The following OPHN1 variants were observed in gnomAD, a reference collection of about 807,000 sequenced individuals.
OPHN1 encodes the protein oligophrenin-1.
Under a neutral mutation model 60.7 loss-of-function variants are expected in OPHN1, and 11 were observed. The observed-to-expected ratio is 0.18, with a 90% confidence interval of 0.11 to 0.30. The LOEUF is 0.30. OPHN1 is among the 10% of genes least tolerant of loss of function. The pLI, the probability that OPHN1 is intolerant of heterozygous loss-of-function variation, is 1.00. For synonymous variants in OPHN1, 226 were observed against 222.6 expected (o/e 1.02, Z -0.14); for missense variants, 449 against 611.0 (o/e 0.73, Z 2.80).
chrX:68,360,736 T>A, intron 2 of OPHN1, among the ~76,000 whole-genome samples: 1 of 110,738 alleles, frequency 9.0e-6, no homozygotes, highest in Non-Finnish European at 1.9e-5. Flanking sequence ...TGAGTGAAGA[T>A]CATGCCACTG....
At chrX:68,249,224 T>A (rs1283755992) in intron 5 of OPHN1, among the ~76,000 whole-genome samples, 1 of 111,938 alleles carries the variant, frequency 8.9e-6, no homozygotes, top group East Asian at 2.8e-4. Context: ...ATATACCTAC[T>A]ATGTACCCCA....
rs930927822 is a variant in OPHN1 at position 68,057,268 on chromosome X, T to A, written c.2159-3458A>T. 2.1e-4 allele frequency among the ~76,000 whole-genome samples: 23 copies of A among 111,518 alleles called. No homozygotes were observed. The Admixed American group carries it at 2.1e-3, about 10-fold the overall frequency. On this transcript the variant is annotated intron_variant, in intron 21 of 24. Transcript: ENST00000355520. The stretch of plus-strand genomic sequence containing the variant: ...TCCTAGTTTTATTGATTAGGATGGA[T>A]CCTGAGCATGGGTATTTTTAAAAGC...
chrX:68,424,946 C>T (rs779440165), intron 2 of OPHN1, among the ~76,000 whole-genome samples: 19 of 112,224 alleles, frequency 1.7e-4, no homozygotes, highest in African/African-American at 5.8e-4. Context: ...TTAATACTAA[C>T]AGCAGTACCA....
chrX:68,416,055 TATATATATATATAGAGAGAG>T lies in OPHN1; in HGVS notation c.154+16792_154+16811del, dbSNP rs1179373334. 4.1e-3 allele frequency among the ~76,000 whole-genome samples: 36 copies of T among 8,785 alleles called. 1 individual carries two copies. Among genetic ancestry groups the T allele is most frequent in the African/African-American group, 5.2e-3 (36 of 6,867 alleles). 7.6% of individuals were successfully genotyped at this position (8,785 alleles called of 115,157 possible). A position where few individuals can be genotyped will look rare whatever the true frequency, so the allele number is the denominator to read the frequency against. On this transcript the variant is annotated intron_variant, in intron 2 of 24. Transcript: ENST00000355520. ...TATAATATATATATATATATATATA[TATATATATATATAGAGAGAG>T]AGAGAGAGAGAGAGAGAGAGAGAGA...
intron 5 of OPHN1, among the ~76,000 whole-genome samples, chrX:68,236,006 C>A (rs1265810368): frequency 8.1e-5 from 9 of 111,240 alleles, no homozygotes; most frequent in Non-Finnish European, 1.7e-4. Context: ...TCTATTATCT[C>A]ATTTAGACTT....
chrX:68,323,155 A>G (rs970814187), intron 2 of OPHN1, among the ~76,000 whole-genome samples: 2 of 112,219 alleles, frequency 1.8e-5, no homozygotes, highest in African/African-American at 6.5e-5. Context: ...AGAACGATAC[A>G]TATACATTGT....
chrX:68,419,691 C>G (rs1339057507), intron 2 of OPHN1, among the ~76,000 whole-genome samples: 1 of 109,354 alleles, frequency 9.1e-6, no homozygotes, highest in African/African-American at 3.3e-5. Flanking sequence ...CAAGTGAGCG[C>G]CACCATACTT....
intron 15 of OPHN1, among the ~76,000 whole-genome samples, chrX:68,171,643 G>A (rs2077392058): frequency 9.0e-6 from 1 of 110,813 alleles, no homozygotes; most frequent in African/African-American, 3.3e-5. Context: ...GGCTGAGGCA[G>A]GAGAATCACT....
intron 2 of OPHN1, among the ~76,000 whole-genome samples, chrX:68,384,390 A>C (rs1666702766): frequency 8.9e-6 from 1 of 112,059 alleles, no homozygotes; most frequent in African/African-American, 3.2e-5. Flanking sequence ...CATCAGAATA[A>C]CCATGGAATA....
intron 2 of OPHN1, among the ~76,000 whole-genome samples, chrX:68,388,407 C>T (rs1569299725): frequency 9.5e-6 from 1 of 105,285 alleles, no homozygotes; most frequent in Non-Finnish European, 1.9e-5. Flanking sequence ...TTGCAGTGAG[C>T]CGAGATCGCC....
At chrX:68,072,932 TG>T (rs2076940119) in intron 20 of OPHN1, among the ~76,000 whole-genome samples, 1 of 111,615 alleles carries the variant, frequency 9.0e-6, no homozygotes, top group African/African-American at 3.3e-5. Context: ...ATCCTCCACG[TG>T]GTAACTTCCT....
intron 2 of OPHN1, among the ~76,000 whole-genome samples, chrX:68,307,090 T>G (rs912510058): frequency 1.8e-5 from 2 of 110,872 alleles, no homozygotes; most frequent in Non-Finnish European, 3.8e-5. Flanking sequence ...ATTAAATAAA[T>G]GTTGCAAAAA....
chrX:68,053,837 T>C (rs764816719), intron 21 of OPHN1, 27 bp from the exon 22 acceptor site: 9 of 1,199,856 alleles, frequency 7.5e-6, no homozygotes, highest in Non-Finnish European at 9.0e-6. Context: ...TACCAGGAAC[T>C]TGGATGGTTA....
intron 15 of OPHN1, among the ~76,000 whole-genome samples, chrX:68,181,652 C>G (rs919790400): frequency 1.8e-5 from 2 of 110,448 alleles, no homozygotes; most frequent in Admixed American, 1.9e-4. Flanking sequence ...TGGTGAAACA[C>G]TGTCTCTACT....
At position 68,433,245 on chromosome X, in the gene OPHN1, G is replaced by A; in HGVS notation, c.-82C>T. The A allele has an allele frequency of 2.5e-6, 1 of 406,779 alleles. No homozygotes were observed. The highest frequency in any genetic ancestry group is 4.2e-6 in the Non-Finnish European group (1 of 236,468). The allele number at this position is 406,779 out of a possible 1,213,427, so 33.5% of individuals were successfully genotyped here. ...CGCCCCGGCGATGGCTTCAGGGCCA[G>A]GGAGAGCTAACTATCGCAGTCGGAT... On this transcript the variant is annotated 5_prime_UTR_variant, in exon 1 of 25. Transcript: ENST00000355520.
chrX:68,338,858 T>G (rs970607564), intron 2 of OPHN1, among the ~76,000 whole-genome samples: 5 of 110,114 alleles, frequency 4.5e-5, no homozygotes, highest in Non-Finnish European at 9.5e-5. Flanking sequence ...GAGGATCCCT[T>G]GAGCTCAGGA....
At chrX:68,095,142 A>G (rs1387153054) in intron 19 of OPHN1, among the ~76,000 whole-genome samples, 1 of 112,013 alleles carries the variant, frequency 8.9e-6, no homozygotes, top group Non-Finnish European at 1.9e-5. Flanking sequence ...CTTTTTCTAA[A>G]TATAAACTCT....
chrX:68,247,813 C>T (rs2077814456), intron 5 of OPHN1, among the ~76,000 whole-genome samples: 1 of 109,125 alleles, frequency 9.2e-6, no homozygotes, highest in Admixed American at 9.8e-5. Flanking sequence ...GCCTGTATTT[C>T]CAGCTACTCT....
intron 2 of OPHN1, among the ~76,000 whole-genome samples, chrX:68,422,033 T>C (rs2078828591): frequency 9.0e-6 from 1 of 111,063 alleles, no homozygotes; most frequent in Non-Finnish European, 1.9e-5. Flanking sequence ...ATTGCCATTA[T>C]TCTATGACAA....
Sources: allele counts gnomAD v4.1 joint callset (sites outside exome capture counted in the v4.1 genomes callset), GRCh38; gene constraint gnomAD v4.1.1; transcripts MANE v1.5; gene names NCBI Gene and HGNC (gene_info 2026-07-23, HGNC 2026-07-21).